KALRN: variants seen among roughly 807,000 people sequenced by gnomAD.
KALRN encodes kalirin RhoGEF kinase.
A neutral mutation model predicts 353.7 loss-of-function variants in KALRN; 70 were observed. That is an observed-to-expected ratio of 0.20 (90% CI 0.16 to 0.24). The LOEUF (loss-of-function observed/expected upper bound fraction) is 0.24. Among genes scored for constraint, KALRN ranks in the 10% least tolerant of loss-of-function variants. The pLI is 1.00. For synonymous variants in KALRN, 1,391 were observed against 1,434.8 expected, an observed-to-expected ratio of 0.97 and a Z score of 0.69; for missense variants, 2,791 against 3,756.7, an observed-to-expected ratio of 0.74 and a Z score of 6.72.
Position 124,384,817 on chromosome 3 carries a change from G to C in KALRN, c.1771-28G>C, listed in dbSNP as rs1175518773. The C allele has an allele frequency of 3.2e-6, 5 of 1,551,564 alleles. No homozygotes were observed. The South Asian group carries it at 6.2e-5, about 19-fold the overall frequency. ...CTGCTGGAAGGCGCGACTGCAACTT[G>C]ACTTTGCCTCACTGTTGTTGCTGGC... On this transcript the variant is annotated intron_variant, in intron 10 of 59. Transcript: ENST00000682506.
chr3:124,649,653 T>C (rs1157016057), intron 37 of KALRN, among the ~76,000 whole-genome samples: 1 of 149,454 alleles, frequency 6.7e-6, no homozygotes, highest in Non-Finnish European at 1.5e-5. Context: ...TAGCTGGATA[T>C]GGTGGTGCAT....
rs748997964 is a variant in KALRN at position 124,562,943 on chromosome 3, A to G, written c.5036A>G (p.Glu1679Gly). 7.3e-7 allele frequency: 1 copy of G among 1,367,902 alleles called. No homozygotes were observed. The highest frequency in any genetic ancestry group is 9.8e-7 in the Non-Finnish European group (1 of 1,022,006). 84.7% of individuals were successfully genotyped at this position (1,367,902 alleles called of 1,614,324 possible). ...GTGGGGCAGACGGTAGAGCTGCTGG[A>G]GCGGCCCAGCGAGCGGCCTGGTTGG... ...IQVGQTVELL[E>G]RPSERPGWCL... Residue 1679 changes from glutamate to glycine, a missense_variant, in exon 34 of 60, where the codon GAG becomes GGG. Coordinates refer to ENST00000682506, the MANE Select transcript of KALRN (RefSeq NM_001388419.1).
chr3:124,496,525 A>G (rs2063868928), intron 33 of KALRN, 112 bp downstream of exon 33: 2 of 771,894 alleles, frequency 2.6e-6, no homozygotes, highest in South Asian at 3.2e-5. Context: ...TTCAGGAGCC[A>G]GTTGTCTCTT....
intron 16 of KALRN, among the ~76,000 whole-genome samples, 169 bp from the exon 17 acceptor site, chr3:124,434,138 T>C (rs1370725645): frequency 4.6e-5 from 7 of 152,244 alleles, no homozygotes; most frequent in Admixed American, 4.6e-4. Context: ...ATATTCTTTT[T>C]TTAAATATGC....
intron 21 of KALRN, among the ~76,000 whole-genome samples, chr3:124,447,452 G>A (rs2093876880): frequency 1.3e-5 from 2 of 152,196 alleles, no homozygotes; most frequent in Non-Finnish European, 2.9e-5. Context: ...TGTGGGAAAT[G>A]CTATAATAGA....
intron 5 of KALRN, among the ~76,000 whole-genome samples, chr3:124,285,941 G>A (rs933178891): frequency 6.6e-6 from 1 of 152,090 alleles, no homozygotes; most frequent in Non-Finnish European, 1.5e-5. Flanking sequence ...CATAGAACAT[G>A]TCAGTCATCA....
At chr3:124,338,921 A>G (rs766426649) in intron 9 of KALRN, among the ~76,000 whole-genome samples, 4 of 152,132 alleles carry the variant, frequency 2.6e-5, no homozygotes, top group Non-Finnish European at 5.9e-5. Context: ...ATGTAACTAT[A>G]TTTTTCAAAG....
chr3:124,264,462 C>A (rs1273068132), intron 3 of KALRN, 36 bp from the exon 4 acceptor site: 3 of 1,595,592 alleles, frequency 1.9e-6, no homozygotes, highest in Admixed American at 3.4e-5. Flanking sequence ...TCTCAGCTAC[C>A]CAGAGTGACC....
intron 37 of KALRN, among the ~76,000 whole-genome samples, chr3:124,640,286 CTTTT>C (rs71777187): frequency 1.6e-5 from 2 of 127,460 alleles, no homozygotes; most frequent in Non-Finnish European, 1.6e-5. Context: ...TTCTTTCTTT[CTTTT>C]TTTTTTTTTT....
At chr3:124,452,282 G>A (rs1404971897) in intron 21 of KALRN, among the ~76,000 whole-genome samples, 2 of 152,124 alleles carry the variant, frequency 1.3e-5, no homozygotes, top group Non-Finnish European at 2.9e-5. Flanking sequence ...ACTCTTGCTG[G>A]TCTAGCTTTA....
chr3:124,217,406 T>C (rs2077437918), intron 1 of KALRN, among the ~76,000 whole-genome samples: 1 of 152,206 alleles, frequency 6.6e-6, no homozygotes, highest in East Asian at 1.9e-4. Context: ...TACCTGAACA[T>C]TGTATCAGGG....
chr3:124,147,533 A>G lies in KALRN; in HGVS notation c.74-80457A>G, dbSNP rs115081981. 2.5e-3 allele frequency among the ~76,000 whole-genome samples: 383 copies of G among 152,302 alleles called. 1 individual carries two copies. Among genetic ancestry groups the G allele is most frequent in the African/African-American group, 8.6e-3 (357 of 41,558 alleles). On this transcript the variant is annotated intron_variant, in intron 1 of 59. Transcript: ENST00000682506. ...TGGCATCTCCATCCATTAGAAAAAA[A>G]TTATTTTGAAATAATTATACCTTCA...
At chr3:124,619,157 A>C in intron 34 of KALRN, among the ~76,000 whole-genome samples, 1 of 151,638 alleles carries the variant, frequency 6.6e-6, no homozygotes, top group Non-Finnish European at 1.5e-5. Flanking sequence ...TCCACATATA[A>C]GGGAGATCAT....
chr3:124,311,716 G>A (rs753704535), intron 6 of KALRN, among the ~76,000 whole-genome samples: 1 of 152,118 alleles, frequency 6.6e-6, no homozygotes, highest in Non-Finnish European at 1.5e-5. Context: ...GCAACATTAT[G>A]TATAATAATC....
intron 14 of KALRN, among the ~76,000 whole-genome samples, chr3:124,418,303 T>C (rs775481923): frequency 1.3e-5 from 2 of 152,190 alleles, no homozygotes; most frequent in African/African-American, 2.4e-5. Flanking sequence ...TTCTTAAAAA[T>C]ACCAATGTCT....
chr3:124,503,370 ACT>A (rs1235381877), intron 33 of KALRN, among the ~76,000 whole-genome samples: 1 of 151,490 alleles, frequency 6.6e-6, no homozygotes, highest in Non-Finnish European at 1.5e-5. Context: ...CGATAGAAAC[ACT>A]CTGATTTTTC....
chr3:124,210,100 A>T (rs1383653145), intron 1 of KALRN, among the ~76,000 whole-genome samples: 1 of 152,206 alleles, frequency 6.6e-6, no homozygotes, highest in Non-Finnish European at 1.5e-5. Flanking sequence ...CAGATTATGT[A>T]AACGCTCTCT....
intron 1 of KALRN, among the ~76,000 whole-genome samples, chr3:124,070,726 A>G (rs2059977400): frequency 6.6e-6 from 1 of 152,218 alleles, no homozygotes; most frequent in Admixed American, 6.5e-5. Flanking sequence ...TGTAAATGTA[A>G]GCTTGGCCTT....
intron 25 of KALRN, 24 bp downstream of exon 25, chr3:124,462,657 G>A: frequency 2.9e-6 from 4 of 1,377,776 alleles, no homozygotes; most frequent in Non-Finnish European, 4.1e-6. Flanking sequence ...GGGTCTCAGA[G>A]GTGCACACTT....
Sources: allele counts gnomAD v4.1 joint callset (sites outside exome capture counted in the v4.1 genomes callset), GRCh38; gene constraint gnomAD v4.1.1; transcripts MANE v1.5; gene names NCBI Gene and HGNC (gene_info 2026-07-23, HGNC 2026-07-21).